RIC3: variants seen among roughly 807,000 people sequenced by gnomAD.
RIC3 encodes the protein RIC3 acetylcholine receptor chaperone.
A neutral mutation model predicts 27.3 loss-of-function variants in RIC3; 28 were observed. The observed-to-expected ratio is 1.02, with a 90% CI of 0.76 to 1.41. RIC3 has a LOEUF of 1.41. Among genes scored for constraint, RIC3 ranks in the 40% most tolerant of loss-of-function variants. RIC3 has a pLI of 0.00. For synonymous variants in RIC3, 184 were observed against 160.4 expected (o/e 1.15, Z -1.11); for missense variants, 501 against 444.7 (o/e 1.13, Z -1.14).
rs560028286 is a variant in RIC3, at chr11:8,138,713, T to C, written c.352-366A>G. On this transcript the variant is annotated intron_variant, in intron 2 of 5. Coordinates refer to ENST00000309737, the MANE Select transcript of RIC3 (RefSeq NM_001206671.4). ...TCAACTGTTCTTAGCTCCCACAGTT[T>C]AGCCTAAATATTTGCCCTGGCATGC... is the stretch of plus-strand genomic sequence containing the variant. The C allele has an allele frequency of 6.3e-4, 145 of 231,038 alleles. 3 individuals are homozygous for C. Among genetic ancestry groups the C allele is most frequent in the Admixed American group, 2.5e-3 (44 of 17,878 alleles). The allele number at this position is 231,038 out of a possible 1,614,324, so 14.3% of individuals were successfully genotyped here.
chr11:8,114,528 C>A (rs1441759414), intron 5 of RIC3, among the ~76,000 whole-genome samples: 5 of 151,650 alleles, frequency 3.3e-5, no homozygotes, highest in Admixed American at 3.3e-4. Flanking sequence ...ATCGCTTGAA[C>A]CCAGGAGGCA....
chr11:8,101,879 C>T, downstream of RIC3: 2 of 519,396 alleles, frequency 3.9e-6, no homozygotes. Context: ...CACACACTCC[C>T]ACCCTTGGGG....
intron 1 of RIC3, among the ~76,000 whole-genome samples, chr11:8,141,722 T>G (rs529602982): frequency 1.3e-5 from 2 of 152,104 alleles, no homozygotes; most frequent in South Asian, 4.1e-4. Flanking sequence ...CAACAGAATA[T>G]ACATTTTTTT....
the RIC3 span, chr11:8,100,673 TC>T: frequency 1.3e-6 from 2 of 1,547,868 alleles, no homozygotes; most frequent in Non-Finnish European, 1.8e-6. Flanking sequence ...AGGGCAGAAC[TC>T]CAGCTGATGT....
chr11:8,096,729 G>A, the RIC3 span: 4 of 1,613,930 alleles, frequency 2.5e-6, no homozygotes, highest in East Asian at 2.2e-5. Context: ...GGAGGATGAG[G>A]AGGAGAATAG....
At position 8,109,065 on chromosome 11, in the gene RIC3, A is replaced by C. The variant is rs1944968189; in HGVS notation, c.*1633T>G. 6.6e-6 allele frequency: 1 copy of C among 152,266 alleles called. No homozygotes were observed. The highest frequency in any genetic ancestry group is 2.1e-4 in the South Asian group (1 of 4,836). 9.4% of individuals were successfully genotyped at this position (152,266 alleles called of 1,614,324 possible). ...TGAATCAAATGTTCTACACAGAGATAGATGCAATATGCTTTCTATAAACTC... is the reference window on the plus strand; with the variant it reads ...TGAATCAAATGTTCTACACAGAGATCGATGCAATATGCTTTCTATAAACTC... On this transcript the variant is annotated 3_prime_UTR_variant, in exon 6 of 6. Coordinates refer to ENST00000309737, the MANE Select transcript of RIC3 (RefSeq NM_001206671.4).
chr11:8,163,054 C>CAT (rs1477939378), intron 1 of RIC3, among the ~76,000 whole-genome samples: 1 of 144,528 alleles, frequency 6.9e-6, no homozygotes, highest in East Asian at 2.0e-4. Flanking sequence ...CACACACATA[C>CAT]ACACACACAC....
chr11:8,167,970 T>C (rs572910548), intron 1 of RIC3, among the ~76,000 whole-genome samples: 9 of 152,274 alleles, frequency 5.9e-5, no homozygotes, highest in African/African-American at 1.9e-4. Flanking sequence ...TCAATGTGCA[T>C]AAAGCAGACG....
chr11:8,108,520 C>T lies in RIC3; in HGVS notation c.*2178G>A, dbSNP rs1944910178. Reference sequence around the variant, plus strand: ...GCTGTTTTACACACACTGATGATTTCATTTAACCAGGACCTTTAATACCCC... The same window carrying T: ...GCTGTTTTACACACACTGATGATTTTATTTAACCAGGACCTTTAATACCCC... On this transcript the variant is annotated 3_prime_UTR_variant, in exon 6 of 6. Coordinates refer to ENST00000309737, the MANE Select transcript of RIC3 (RefSeq NM_001206671.4). 6.6e-6 allele frequency: 1 copy of T among 152,188 alleles called. No homozygotes were observed. The highest frequency in any genetic ancestry group is 2.1e-4 in the South Asian group (1 of 4,832). The allele number at this position is 152,188 out of a possible 1,614,324, so 9.4% of individuals were successfully genotyped here.
At chr11:8,095,751 G>T in the RIC3 span, 1 of 1,422,076 alleles carries the variant, frequency 7.0e-7, no homozygotes, top group African/African-American at 1.4e-5. Context: ...TGGCCTTCCT[G>T]TGTCCAAACC....
intron 1 of RIC3, among the ~76,000 whole-genome samples, chr11:8,143,157 A>G (rs1949258563): frequency 7.5e-6 from 1 of 132,974 alleles, no homozygotes; most frequent in South Asian, 2.6e-4. Flanking sequence ...TATTCAACAT[A>G]GTGTTGGAAG....
At chr11:8,133,004 C>G (rs1320373221) in intron 4 of RIC3, among the ~76,000 whole-genome samples, 1 of 152,164 alleles carries the variant, frequency 6.6e-6, no homozygotes, top group Non-Finnish European at 1.5e-5. Context: ...CATGTTGAAA[C>G]TTAATTGACA....
intron 2 of RIC3, 68 bp from the exon 3 acceptor site, chr11:8,138,415 C>G (rs1300361692): frequency 4.9e-6 from 4 of 819,106 alleles, no homozygotes; most frequent in South Asian, 2.1e-5. Context: ...CCCCTCATAT[C>G]AAACAAAAAA....
chr11:8,126,746 T>C lies in RIC3; in HGVS notation c.583A>G (p.Thr195Ala). The C allele has an allele frequency of 6.2e-7, 1 of 1,614,170 alleles. No individual in the cohort carries two copies. ...AATTTTCCTTCTTTCATGACCCTGG[T>C]GATTTCTCGGAGCTGATGTAGCAAC... is the stretch of plus-strand genomic sequence containing the variant. The part of the protein sequence containing the change: ...KRLLHQLREI[T>A]RVMKEGKFID... Residue 195 changes from threonine to alanine, a missense_variant, in exon 5 of 6, where the codon ACC becomes GCC. Physicochemically the swap from Thr to Ala is moderately conservative, Grantham distance 58. Transcript: ENST00000309737.
At chr11:8,133,146 C>A (rs961684491) in intron 4 of RIC3, among the ~76,000 whole-genome samples, 4 of 152,094 alleles carry the variant, frequency 2.6e-5, no homozygotes, top group East Asian at 1.9e-4. Flanking sequence ...AGTGGGCTGG[C>A]CTCTGGTGCC....
chr11:8,156,389 A>G (rs146330883), intron 1 of RIC3, among the ~76,000 whole-genome samples: 6 of 152,320 alleles, frequency 3.9e-5, no homozygotes, highest in Non-Finnish European at 8.8e-5. Context: ...GCTCATTTTC[A>G]TCATCTGTAA....
chr11:8,122,048 C>T (rs1339536653), intron 5 of RIC3, among the ~76,000 whole-genome samples: 1 of 152,088 alleles, frequency 6.6e-6, no homozygotes, highest in African/African-American at 2.4e-5. Context: ...AAGACTCTAT[C>T]CCTTTAAAAA....
In RIC3 at chr11:8,123,422, C is replaced by T. The variant is rs376781029; in HGVS notation, c.670+3237G>A. On this transcript the variant is annotated intron_variant, in intron 5 of 5. Transcript: ENST00000309737. ...AAACACAAGTCAATGAAATAAGAAA[C>T]AAACAAACAAAAAGAAACCAAATTA... 5.7e-4 allele frequency among the ~76,000 whole-genome samples: 86 copies of T among 152,022 alleles called. 3 individuals carry two copies. The South Asian group carries it at 0.017, about 31-fold the overall frequency.
intron 1 of RIC3, among the ~76,000 whole-genome samples, chr11:8,159,418 A>G (rs1348858735): frequency 1.3e-5 from 2 of 152,192 alleles, no homozygotes; most frequent in African/African-American, 4.8e-5. Flanking sequence ...CTATCTTTTC[A>G]TCTAAGCCAG....
Sources: gnomAD v4.1 joint callset for allele counts (sites outside exome capture counted in the v4.1 genomes callset) on GRCh38, gnomAD v4.1.1 for gene constraint, MANE v1.5 for transcripts, NCBI Gene and HGNC (gene_info 2026-07-23, HGNC 2026-07-21) for gene names.